The following GLIS3 variants were observed in gnomAD, a reference collection of about 807,000 sequenced individuals.
GLIS3 encodes the protein zinc finger protein GLIS3.
GLIS3 carries 53 observed loss-of-function variants against 78.6 expected under a neutral mutation model. The ratio of observed to expected loss-of-function variants is 0.67; its 90% CI spans 0.54 to 0.85. The LOEUF (loss-of-function observed/expected upper bound fraction) is 0.85. Among genes scored for constraint, GLIS3 ranks in the 40% least tolerant of loss-of-function variants. The pLI is 0.00. For missense variants in GLIS3, 1,703 were observed against 1,231.1 expected, an observed-to-expected ratio of 1.38 and a Z score of -5.74; for synonymous variants, 684 against 509.9, an observed-to-expected ratio of 1.34 and a Z score of -4.60.
intron 4 of GLIS3, among the ~76,000 whole-genome samples, chr9:4,013,032 C>G (rs1348847337): frequency 6.6e-6 from 1 of 152,068 alleles, no homozygotes; most frequent in African/African-American, 2.4e-5. Context: ...CTCAGCCTCC[C>G]AAAGTGCTGG....
At chr9:4,371,290 C>G in the GLIS3 span, among the ~76,000 whole-genome samples, 17 of 152,304 alleles carry the variant, frequency 1.1e-4, no homozygotes, top group East Asian at 2.9e-3. Flanking sequence ...CCATAGTGCA[C>G]TGTAGGGAAA....
intron 2 of GLIS3, among the ~76,000 whole-genome samples, chr9:4,179,363 T>C (rs535490215): frequency 6.6e-6 from 1 of 152,324 alleles, no homozygotes; most frequent in South Asian, 2.1e-4. Flanking sequence ...TGCAGTCAAA[T>C]TACAAAACAT....
At chr9:4,039,949 C>G (rs568995245) in intron 4 of GLIS3, among the ~76,000 whole-genome samples, 1 of 152,286 alleles carries the variant, frequency 6.6e-6, no homozygotes, top group African/African-American at 2.4e-5. Flanking sequence ...CAGTGCATCA[C>G]AAATGTGGAG....
chr9:4,039,907 C>CA (rs1824656603), intron 4 of GLIS3, among the ~76,000 whole-genome samples: 1 of 152,190 alleles, frequency 6.6e-6, no homozygotes, highest in Admixed American at 6.5e-5. Flanking sequence ...GGAGGATCGA[C>CA]AAGGCCAATG....
intron 4 of GLIS3, among the ~76,000 whole-genome samples, chr9:4,109,316 A>C: frequency 6.6e-6 from 1 of 152,226 alleles, no homozygotes. Context: ...ACACAGGATA[A>C]TGTATGCAGC....
At chr9:4,194,990 C>G (rs978288690) in intron 2 of GLIS3, among the ~76,000 whole-genome samples, 7 of 152,326 alleles carry the variant, frequency 4.6e-5, no homozygotes, top group Admixed American at 3.9e-4. Flanking sequence ...TTAGTCTCAG[C>G]CCAGAGATTG....
chr9:4,361,718 T>C, the GLIS3 span, among the ~76,000 whole-genome samples: 2 of 151,982 alleles, frequency 1.3e-5, no homozygotes, highest in Non-Finnish European at 2.9e-5. Flanking sequence ...AAGGGAAGAG[T>C]CGGCATTAAA....
chr9:4,066,656 C>A (rs1827123291), intron 4 of GLIS3, among the ~76,000 whole-genome samples: 1 of 152,210 alleles, frequency 6.6e-6, no homozygotes, highest in Non-Finnish European at 1.5e-5. Context: ...CTTCTTTGTC[C>A]TGCTCTGCCG....
chr9:4,312,091 G>T (rs1014209247), intron 2 of GLIS3, among the ~76,000 whole-genome samples: 2 of 152,174 alleles, frequency 1.3e-5, no homozygotes, highest in African/African-American at 4.8e-5. Flanking sequence ...CATGACATGA[G>T]TTTACCTGTA....
chr9:4,159,216 A>G (rs928975007), intron 2 of GLIS3, among the ~76,000 whole-genome samples: 1 of 152,148 alleles, frequency 6.6e-6, no homozygotes, highest in Non-Finnish European at 1.5e-5. Context: ...CTCATGGTTA[A>G]CAAATGCGGG....
intron 4 of GLIS3, among the ~76,000 whole-genome samples, chr9:4,032,857 T>C (rs1383342468): frequency 6.9e-6 from 1 of 145,940 alleles, no homozygotes; most frequent in Non-Finnish European, 1.5e-5. Context: ...TGAGAATTCT[T>C]TTTTTTTTTT....
At chr9:4,130,047 C>T (rs1303160182) in intron 2 of GLIS3, among the ~76,000 whole-genome samples, 8 of 152,086 alleles carry the variant, frequency 5.3e-5, no homozygotes, top group Non-Finnish European at 8.8e-5. Context: ...CCCCTGCTCT[C>T]GGGATCTGTG....
chr9:4,486,818 T>G, the GLIS3 span, among the ~76,000 whole-genome samples: 1 of 152,108 alleles, frequency 6.6e-6, no homozygotes, highest in African/African-American at 2.4e-5. Context: ...GCCTCCCAAG[T>G]AGTGAGGACT....
chr9:3,857,820 G>C (rs1373036240), intron 8 of GLIS3, among the ~76,000 whole-genome samples: 1 of 152,202 alleles, frequency 6.6e-6, no homozygotes, highest in African/African-American at 2.4e-5. Context: ...ACTGCCCTGA[G>C]AACATCTAGT....
At chr9:4,047,951 G>A (rs993399801) in intron 4 of GLIS3, among the ~76,000 whole-genome samples, 10 of 152,180 alleles carry the variant, frequency 6.6e-5, no homozygotes, top group African/African-American at 2.4e-4. Context: ...TAGGCCTAAG[G>A]AGGTCTTTGT....
rs1055388027 is a variant in GLIS3, at chr9:4,240,202, G to C, written c.388+45836C>G. Among the ~76,000 whole-genome samples the C allele has an allele frequency of 6.4e-4, 97 of 151,830 alleles. 1 individual carries two copies. In the East Asian group the frequency reaches 0.018, roughly 28 times the overall value. ...CCACAGATGTGGGGGAGGTGGGGGG[G>C]GGGGATGGTTTCGGGATGAAACTGT... On this transcript the variant is annotated intron_variant, in intron 2 of 10. Transcript: ENST00000381971.
intron 2 of GLIS3, among the ~76,000 whole-genome samples, chr9:4,245,856 T>A (rs1224321576): frequency 1.3e-5 from 2 of 152,222 alleles, no homozygotes; most frequent in Non-Finnish European, 2.9e-5. Flanking sequence ...TTCAACTGAC[T>A]AGCAAAGTAG....
intron 2 of GLIS3, among the ~76,000 whole-genome samples, chr9:4,330,202 G>GAAGGA (rs1563935240): frequency 2.6e-5 from 4 of 152,210 alleles, no homozygotes; most frequent in South Asian, 2.1e-4. Flanking sequence ...TTTGCCAGTA[G>GAAGGA]AAGGAAAGGA....
In GLIS3 at chr9:4,220,899, C is replaced by T. The variant is rs1046390755; in HGVS notation, c.388+65139G>A. ...ACTCAGGAGGCTGAGGTGGGAGGAT[C>T]GCTTAAGCCCAGGAGGTGGAGGTTG... On this transcript the variant is annotated intron_variant, in intron 2 of 10. Coordinates refer to ENST00000381971, the MANE Select transcript of GLIS3 (RefSeq NM_001042413.2). 1.1e-4 allele frequency among the ~76,000 whole-genome samples: 16 copies of T among 152,146 alleles called. No homozygotes were observed. In the South Asian group the frequency reaches 2.5e-3, roughly 24 times the overall value.
Sources: allele counts gnomAD v4.1 joint callset (sites outside exome capture counted in the v4.1 genomes callset), GRCh38; gene constraint gnomAD v4.1.1; transcripts MANE v1.5; gene names NCBI Gene and HGNC (gene_info 2026-07-23, HGNC 2026-07-21).